The following SLC1A6 variants were observed in gnomAD, a reference collection of about 807,000 sequenced individuals.
SLC1A6 encodes the protein excitatory amino acid transporter 4.
A neutral mutation model predicts 42.1 loss-of-function variants in SLC1A6; 15 were observed. The ratio of observed to expected loss-of-function variants is 0.36; its 90% CI spans 0.24 to 0.55. SLC1A6 has a LOEUF of 0.55. Among genes scored for constraint, SLC1A6 ranks in the 20% least tolerant of loss-of-function variants. The probability of loss-of-function intolerance (pLI) is 0.88; values close to 1 mark genes in which losing one functional copy is unlikely to be tolerated. For synonymous variants in SLC1A6, 317 were observed against 319.7 expected, an observed-to-expected ratio of 0.99 and a Z score of 0.09; for missense variants, 542 against 772.5, an observed-to-expected ratio of 0.70 and a Z score of 3.54.
chr19:15,004,539 CAAAA>C, intron 1 of SLC1A6, among the ~76,000 whole-genome samples: 1 of 120,460 alleles, frequency 8.3e-6, no homozygotes, highest in Admixed American at 8.9e-5. Context: ...CTCACCTCTA[CAAAA>C]AAAAAAAAAA....
intron 1 of SLC1A6, chr19:14,976,704 G>C (rs897685218): frequency 7.2e-5 from 11 of 152,062 alleles, no homozygotes; most frequent in African/African-American, 2.7e-4. Context: ...TACTTCCTAA[G>C]GGATCAAGGC....
chr19:14,974,578 G>A (rs1166981659), intron 1 of SLC1A6: 1 of 151,132 alleles, frequency 6.6e-6, no homozygotes, highest in Non-Finnish European at 1.5e-5. Flanking sequence ...TTTTCTCTTT[G>A]TGCACCCCTT....
Position 14,956,565 on chromosome 19 carries a change from G to A in SLC1A6, c.1080C>T (p.Leu360=), listed in dbSNP as rs979278761. Residue 360 remains leucine (L), a synonymous_variant, in exon 7 of 10, where the codon CTC becomes CTT. Coordinates refer to ENST00000594383, the MANE Select transcript of SLC1A6 (RefSeq NM_005071.3). Reference sequence around the variant, plus strand: ...TCCGGTGAGTGACGAGGAAGTAGATGAGGGGAAGGACAATGCCGGCATGGA... The same window carrying A: ...TCCGGTGAGTGACGAGGAAGTAGATAAGGGGAAGGACAATGCCGGCATGGA... ...LFLHAGIVLP[L]IYFLVTHRNP... is the part of the protein sequence containing the mutation. 1 of 1,613,804 alleles carries A rather than the reference G, an allele frequency of 6.2e-7. No homozygotes were observed. The highest frequency in any genetic ancestry group is 8.5e-7 in the Non-Finnish European group (1 of 1,179,862).
upstream of SLC1A6, chr19:14,980,109 C>T (rs1029572563): frequency 6.6e-6 from 1 of 152,424 alleles, no homozygotes; most frequent in East Asian, 1.9e-4. Context: ...TCCGCTGCCC[C>T]CTTCTCCTTG....
chr19:14,968,553 C>T lies in SLC1A6; in HGVS notation c.344-46G>A, dbSNP rs75347098. The T allele has an allele frequency of 3.5e-4, 526 of 1,488,710 alleles. No individual in the cohort carries two copies. The African/African-American group carries it at 4.3e-3, about 12-fold the overall frequency. The allele number at this position is 1,488,710 out of a possible 1,614,324, so 92.2% of individuals were successfully genotyped here. ...CCCCCGCAGCTCCATGCATACCCAA[C>T]GCCAGCTCTCCTAGCATCCGTTCCA... On this transcript the variant is annotated intron_variant, in intron 3 of 9. Coordinates refer to ENST00000594383, the MANE Select transcript of SLC1A6 (RefSeq NM_005071.3).
intron 1 of SLC1A6, among the ~76,000 whole-genome samples, chr19:14,994,389 C>T (rs1330420060): frequency 6.6e-6 from 1 of 152,144 alleles, no homozygotes; most frequent in South Asian, 2.1e-4. Flanking sequence ...GCTCCCTCCC[C>T]TCTCTGCATC....
intron 1 of SLC1A6, among the ~76,000 whole-genome samples, chr19:14,990,150 A>G (rs2045812558): frequency 6.6e-6 from 1 of 152,172 alleles, no homozygotes. Flanking sequence ...TGTTATTCAC[A>G]ACAGTCAAGA....
At chr19:14,961,135 G>A (rs1259314138) in intron 6 of SLC1A6, among the ~76,000 whole-genome samples, 1 of 151,438 alleles carries the variant, frequency 6.6e-6, no homozygotes, top group African/African-American at 2.4e-5. Flanking sequence ...TCAAATTCCT[G>A]GGCTCAAGTG....
intron 6 of SLC1A6, among the ~76,000 whole-genome samples, chr19:14,957,403 T>C (rs1448637785): frequency 6.6e-6 from 1 of 152,152 alleles, no homozygotes. Flanking sequence ...TGGGATAGTA[T>C]TGGGAGGTGA....
At chr19:14,983,287 GT>G (rs552371057), upstream of SLC1A6, among the ~76,000 whole-genome samples, 119 of 152,278 alleles carry the variant, frequency 7.8e-4, no homozygotes, top group African/African-American at 2.8e-3. Context: ...TAACTTTCAT[GT>G]TTTTTGTTGA....
chr19:14,983,488 C>T (rs2045777715), upstream of SLC1A6, among the ~76,000 whole-genome samples: 1 of 151,746 alleles, frequency 6.6e-6, no homozygotes, highest in East Asian at 1.9e-4. Context: ...GAGTTTGAGA[C>T]CAGCCTGAGC....
In SLC1A6 at chr19:14,999,106, C is replaced by T. The variant is rs113338578; in HGVS notation, c.6+11379G>A. Among the ~76,000 whole-genome samples the T allele has an allele frequency of 2.2e-3, 336 of 152,096 alleles. 1 individual carries two copies. The highest frequency in any genetic ancestry group is 7.6e-3 in the African/African-American group (316 of 41,496). On this transcript the variant is annotated intron_variant, in intron 1 of 8. Transcript: ENST00000430939. ...TGTTAGCCATGATGGTCTCAATCTC[C>T]TGACCTCGTGATTCACCTGCCTCAG...
At chr19:15,005,192 C>T (rs2145244715) in intron 1 of SLC1A6, among the ~76,000 whole-genome samples, 1 of 144,734 alleles carries the variant, frequency 6.9e-6, no homozygotes, top group Admixed American at 7.1e-5. Flanking sequence ...CCCAGGAGTT[C>T]AAAGTTGCAG....
upstream of SLC1A6, among the ~76,000 whole-genome samples, chr19:14,984,224 A>G (rs144341005): frequency 8.0e-3 from 1,215 of 152,234 alleles, 23 homozygotes; most frequent in African/African-American, 0.027. Flanking sequence ...CAGGAGAATC[A>G]CTTGAACCCA....
At chr19:15,007,168 T>A (rs1160786563) in intron 1 of SLC1A6, among the ~76,000 whole-genome samples, 1 of 152,090 alleles carries the variant, frequency 6.6e-6, no homozygotes, top group Admixed American at 6.6e-5. Context: ...ATAAACAAAG[T>A]TATGGTATAT....
At chr19:14,990,786 C>CA (rs60926365) in intron 1 of SLC1A6, among the ~76,000 whole-genome samples, 27,576 of 124,098 alleles carry the variant, frequency 0.22, 3,222 homozygotes, top group Non-Finnish European at 0.29. Context: ...CAAAACAAAA[C>CA]AAAAAAAAAA....
chr19:14,973,249 T>C, intron 1 of SLC1A6: 1 of 274,372 alleles, frequency 3.6e-6, no homozygotes, highest in Non-Finnish European at 6.8e-6. Context: ...TAGTGAGACC[T>C]CCACCCCTCC....
At chr19:14,964,683 C>T (rs1274225733) in intron 4 of SLC1A6, among the ~76,000 whole-genome samples, 1 of 152,112 alleles carries the variant, frequency 6.6e-6, no homozygotes, top group Non-Finnish European at 1.5e-5. Context: ...TGGCCAGAGC[C>T]CTACATCACC....
intron 6 of SLC1A6, among the ~76,000 whole-genome samples, chr19:14,958,014 GT>G (rs2045477536): frequency 6.6e-6 from 1 of 152,158 alleles, no homozygotes; most frequent in African/African-American, 2.4e-5. Flanking sequence ...GGGCTCACCT[GT>G]TTCCCCCCAT....
Sources: gnomAD v4.1 joint callset for allele counts (sites outside exome capture counted in the v4.1 genomes callset) on GRCh38, gnomAD v4.1.1 for gene constraint, MANE v1.5 for transcripts, NCBI Gene and HGNC (gene_info 2026-07-23, HGNC 2026-07-21) for gene names.